The following NTRK3 variants were observed in gnomAD, a reference collection of about 807,000 sequenced individuals.
NTRK3 encodes neurotrophic receptor tyrosine kinase 3, also known as NT-3 growth factor receptor.
A neutral mutation model predicts 91.7 loss-of-function variants in NTRK3; 24 were observed. The observed-to-expected ratio is 0.26, with a 90% CI of 0.19 to 0.37. The LOEUF is 0.37. NTRK3 is among the 10% of genes least tolerant of loss of function. The pLI is 1.00. For synonymous variants in NTRK3, 483 were observed against 404.0 expected (o/e 1.20, Z -2.34); for missense variants, 880 against 1,068.9 (o/e 0.82, Z 2.46).
At chr15:87,956,263 G>T (rs1025635729) in intron 14 of NTRK3, among the ~76,000 whole-genome samples, 4 of 152,144 alleles carry the variant, frequency 2.6e-5, no homozygotes, top group African/African-American at 9.7e-5. Flanking sequence ...GTACAAAGTG[G>T]GCTGTTCTGG....
At chr15:88,007,638 G>C (rs889448370) in intron 14 of NTRK3, among the ~76,000 whole-genome samples, 4 of 152,174 alleles carry the variant, frequency 2.6e-5, no homozygotes, top group Admixed American at 6.5e-5. Context: ...TTGTGCCTGG[G>C]AAGCCTGTTT....
Position 87,881,299 on chromosome 15 carries a change from T to G in NTRK3, c.2134-871A>C, listed in dbSNP as rs1451653834. Among the ~76,000 whole-genome samples the G allele has an allele frequency of 1.4e-4, 22 of 152,258 alleles. 1 individual carries two copies. The highest frequency in any genetic ancestry group is 1.4e-3 in the Admixed American group (22 of 15,286). On this transcript the variant is annotated intron_variant, in intron 17 of 18. Transcript: ENST00000394480. The stretch of plus-strand genomic sequence containing the variant: ...ATAGATTTTCAGGAACTGAAACTTT[T>G]GCCTAATACATGGAACTCATTGTTA...
At chr15:88,249,884 G>A (rs1321289367) in intron 3 of NTRK3, among the ~76,000 whole-genome samples, 1 of 152,104 alleles carries the variant, frequency 6.6e-6, no homozygotes, top group Admixed American at 6.5e-5. Flanking sequence ...GCCTCTATCT[G>A]GGCCACTCTT....
At chr15:88,198,074 G>A (rs1275167253) in intron 3 of NTRK3, among the ~76,000 whole-genome samples, 2 of 152,178 alleles carry the variant, frequency 1.3e-5, no homozygotes, top group African/African-American at 4.8e-5. Flanking sequence ...CCTGAAATAT[G>A]CTAGGGCTCA....
intron 14 of NTRK3, among the ~76,000 whole-genome samples, chr15:87,992,515 T>C (rs939478260): frequency 3.9e-5 from 6 of 152,226 alleles, no homozygotes; most frequent in African/African-American, 1.4e-4. Context: ...TACACTACAA[T>C]GAAATGGTTC....
intron 14 of NTRK3, among the ~76,000 whole-genome samples, chr15:87,947,808 T>G (rs1019636195): frequency 1.3e-5 from 2 of 152,162 alleles, no homozygotes; most frequent in Admixed American, 6.5e-5. Flanking sequence ...AAGAAAACAT[T>G]AATTCAATAC....
intron 13 of NTRK3, among the ~76,000 whole-genome samples, chr15:88,113,311 C>CTTTTTTTTTTT (rs60232101): frequency 9.0e-6 from 1 of 111,642 alleles, no homozygotes; most frequent in African/African-American, 3.6e-5. Flanking sequence ...TGATCAATTT[C>CTTTTTTTTTTT]TTTTTTTTTT....
In NTRK3 at chr15:88,236,514, TAAAAAAA is replaced by T. The variant is rs60187446; in HGVS notation, c.248+19385_248+19391del. Among the ~76,000 whole-genome samples, 274 of 53,778 alleles carry T rather than the reference TAAAAAAA, an allele frequency of 5.1e-3. 1 individual carries two copies. Among genetic ancestry groups the T allele is most frequent in the African/African-American group, 0.018 (250 of 14,196 alleles). The allele number at this position is 53,778 out of a possible 152,430, so 35.3% of individuals were successfully genotyped here. On this transcript the variant is annotated intron_variant, in intron 3 of 18. Coordinates refer to ENST00000394480, the Ensembl canonical transcript of NTRK3. The stretch of plus-strand genomic sequence containing the variant: ...AAAGTGAGACTCCAGCCTCTATTAT[TAAAAAAA>T]AAAAAAAAAAAAAAAAAATTGTAAA...
At chr15:88,049,977 TCAA>T (rs555579588) in intron 13 of NTRK3, among the ~76,000 whole-genome samples, 177 of 152,368 alleles carry the variant, frequency 1.2e-3, no homozygotes, top group African/African-American at 4.0e-3. Context: ...AACTTCACAC[TCAA>T]CAATTTTAGA....
intron 13 of NTRK3, among the ~76,000 whole-genome samples, chr15:88,122,235 T>G (rs2052794096): frequency 1.3e-5 from 2 of 152,250 alleles, no homozygotes; most frequent in African/African-American, 2.4e-5. Flanking sequence ...TGCATATATG[T>G]GTACATATAC....
chr15:88,047,614 G>A (rs2080349284), intron 13 of NTRK3, among the ~76,000 whole-genome samples: 1 of 152,156 alleles, frequency 6.6e-6, no homozygotes, highest in Non-Finnish European at 1.5e-5. Context: ...TCAAAAGTCT[G>A]TTTCTTCATG....
chr15:87,974,331 G>A (rs548099580), intron 14 of NTRK3, among the ~76,000 whole-genome samples: 6 of 152,210 alleles, frequency 3.9e-5, no homozygotes, highest in Non-Finnish European at 1.5e-5. Flanking sequence ...TTTTTAGGGT[G>A]AGCATTGCAT....
intron 14 of NTRK3, among the ~76,000 whole-genome samples, chr15:87,946,945 A>T (rs1490895175): frequency 7.2e-6 from 1 of 139,176 alleles, no homozygotes; most frequent in East Asian, 2.1e-4. Context: ...GCAATGGCGC[A>T]ATCTGGGCTC....
intron 6 of NTRK3, among the ~76,000 whole-genome samples, chr15:88,137,946 G>A (rs2042030603): frequency 1.3e-5 from 2 of 152,116 alleles, no homozygotes; most frequent in Admixed American, 6.5e-5. Context: ...AGCTACTCGG[G>A]AGGCTGAGGC....
intron 14 of NTRK3, among the ~76,000 whole-genome samples, chr15:87,947,893 GTGTT>G (rs1290499216): frequency 1.3e-5 from 2 of 152,136 alleles, no homozygotes; most frequent in Admixed American, 6.5e-5. Flanking sequence ...CCAACTCTGG[GTGTT>G]TGAAGTGGCA....
At chr15:87,901,932 T>C (rs1420462723) in intron 17 of NTRK3, among the ~76,000 whole-genome samples, 3 of 152,120 alleles carry the variant, frequency 2.0e-5, no homozygotes, top group Non-Finnish European at 4.4e-5. Context: ...TCTTATACAT[T>C]CTAAATTAAA....
chr15:88,230,170 A>G (rs979887244), intron 3 of NTRK3, among the ~76,000 whole-genome samples: 5 of 152,192 alleles, frequency 3.3e-5, no homozygotes, highest in Non-Finnish European at 7.3e-5. Context: ...CTGTGATTAA[A>G]TTAAATTAAA....
At chr15:87,904,241 C>T (rs2066623854) in intron 17 of NTRK3, among the ~76,000 whole-genome samples, 2 of 150,352 alleles carry the variant, frequency 1.3e-5, no homozygotes, top group African/African-American at 2.5e-5. Context: ...ACCTCAGTTT[C>T]CGGGGTTCAA....
chr15:87,891,220 G>A (rs548218106), intron 17 of NTRK3, among the ~76,000 whole-genome samples: 11 of 152,096 alleles, frequency 7.2e-5, no homozygotes, highest in African/African-American at 2.4e-4. Context: ...TCTGTCCTTA[G>A]AATCTACCTA....
Sources: allele counts gnomAD v4.1 joint callset (sites outside exome capture counted in the v4.1 genomes callset), GRCh38; gene constraint gnomAD v4.1.1; transcripts MANE v1.5; gene names NCBI Gene and HGNC (gene_info 2026-07-23, HGNC 2026-07-21).